The following CDKL3 variants were observed in gnomAD, a reference collection of about 807,000 sequenced individuals.
CDKL3 encodes cyclin-dependent kinase-like 3.
Under a neutral mutation model 69.3 loss-of-function variants are expected in CDKL3, and 65 were observed. That is an observed-to-expected ratio of 0.94 (90% confidence interval 0.77 to 1.15). CDKL3 has a LOEUF of 1.15. Among genes scored for constraint, CDKL3 ranks in the 50% most tolerant of loss-of-function variants. CDKL3 has a pLI of 0.00. For synonymous variants in CDKL3, 202 were observed against 221.6 expected (o/e 0.91, Z 0.79); for missense variants, 652 against 689.2 (o/e 0.95, Z 0.61).
At chr5:134,354,250 A>C (rs1185410669) in intron 3 of CDKL3, among the ~76,000 whole-genome samples, 2 of 152,214 alleles carry the variant, frequency 1.3e-5, no homozygotes, top group East Asian at 3.8e-4. Flanking sequence ...GTCTTGTTCA[A>C]TTAATATCTC....
chr5:134,326,743 C>T (rs1047534779), intron 4 of CDKL3, among the ~76,000 whole-genome samples: 2 of 148,304 alleles, frequency 1.3e-5, no homozygotes, highest in Non-Finnish European at 3.0e-5. Flanking sequence ...CAGGTTCAAG[C>T]GATTCTCCTG....
intron 12 of CDKL3, among the ~76,000 whole-genome samples, chr5:134,301,755 C>T (rs1197876319): frequency 6.6e-6 from 1 of 151,912 alleles, no homozygotes; most frequent in Non-Finnish European, 1.5e-5. Flanking sequence ...GGTGTGGTGG[C>T]GTGTGCCTGT....
At chr5:134,336,208 T>C (rs1234121157) in intron 4 of CDKL3, among the ~76,000 whole-genome samples, 2 of 152,190 alleles carry the variant, frequency 1.3e-5, no homozygotes, top group African/African-American at 4.8e-5. Flanking sequence ...CTGGTTATTC[T>C]AGTTAGCCAT....
chr5:134,309,621 T>A (rs1768848029), intron 7 of CDKL3, among the ~76,000 whole-genome samples: 1 of 152,162 alleles, frequency 6.6e-6, no homozygotes, highest in Admixed American at 6.6e-5. Flanking sequence ...AGTCCCCTCC[T>A]TGAAGCAGCT....
rs931749202 is a variant in CDKL3, at chr5:134,350,357, A to G, written c.431T>C (p.Phe144Ser). 6.3e-7 allele frequency: 1 copy of G among 1,586,900 alleles called. No individual in the cohort carries two copies. Among genetic ancestry groups the G allele is most frequent in the African/African-American group, 1.3e-5 (1 of 74,520 alleles). The change falls in exon 4 of 13, where the codon TTT becomes TCT. Residue 144 changes from phenylalanine to serine, a missense_variant. By Grantham distance (155) the Phe-to-Ser change is radical. Transcript: ENST00000265334. ...SQSGITKLCD[F>S]GFARTLAAPG... ...AGCTGCTAGTGTTCGTGCAAAACCAAAATCACAGAGCTTAGTAATTCCTGA... is the reference window on the plus strand; with the variant it reads ...AGCTGCTAGTGTTCGTGCAAAACCAGAATCACAGAGCTTAGTAATTCCTGA...
chr5:134,307,643 A>G (rs968036097), intron 9 of CDKL3, among the ~76,000 whole-genome samples: 1 of 152,214 alleles, frequency 6.6e-6, no homozygotes, highest in African/African-American at 2.4e-5. Context: ...AGACTCATGG[A>G]CCAGTCTCTC....
chr5:134,345,276 TA>T (rs1267477199), intron 4 of CDKL3, among the ~76,000 whole-genome samples: 2 of 152,136 alleles, frequency 1.3e-5, no homozygotes, highest in Non-Finnish European at 2.9e-5. Flanking sequence ...AACTGTATTA[TA>T]TAAAAATATC....
intron 3 of CDKL3, among the ~76,000 whole-genome samples, chr5:134,355,923 A>C (rs1754494784): frequency 6.6e-6 from 1 of 152,188 alleles, no homozygotes; most frequent in Non-Finnish European, 1.5e-5. Flanking sequence ...AGCAGTCTCC[A>C]ACCTTTTTGG....
chr5:134,310,317 C>G (rs528136261), intron 7 of CDKL3, among the ~76,000 whole-genome samples: 1 of 151,736 alleles, frequency 6.6e-6, no homozygotes, highest in Non-Finnish European at 1.5e-5. Flanking sequence ...TCCTGAGTAG[C>G]TGGCATTACA....
At chr5:134,305,185 G>A (rs951773079) in intron 10 of CDKL3, among the ~76,000 whole-genome samples, 5 of 151,538 alleles carry the variant, frequency 3.3e-5, no homozygotes, top group Admixed American at 6.6e-5. Context: ...GCGCCATTAC[G>A]GCTGCAGCCT....
chr5:134,366,699 T>G (rs1757521700), intron 1 of CDKL3, among the ~76,000 whole-genome samples, 155 bp from the exon 2 acceptor site: 15 of 152,012 alleles, frequency 9.9e-5, no homozygotes, highest in Admixed American at 9.8e-4. Flanking sequence ...CTTTTTGTCT[T>G]TGGGAACTAA....
chr5:134,370,584 G>A (rs920883506), upstream of CDKL3, among the ~76,000 whole-genome samples: 2 of 152,176 alleles, frequency 1.3e-5, no homozygotes, highest in Non-Finnish European at 1.5e-5. Context: ...CAAGTCCCCG[G>A]ACTCTGACAC....
rs1580775318 is a variant in CDKL3 at position 134,299,510 on chromosome 5, T to C, written c.1720-800A>G. On this transcript the variant is annotated intron_variant, in intron 12 of 12. Coordinates refer to ENST00000265334, the MANE Select transcript of CDKL3 (RefSeq NM_001113575.2). ...AATTCATGTTCAAATTAAGAAAACA[T>C]GAATAATTTAAAGATTAATAAATTT... The C allele has an allele frequency of 5.0e-6, 6 of 1,201,816 alleles. No homozygotes were observed. The African/African-American group carries it at 7.8e-5, about 16-fold the overall frequency. The allele number at this position is 1,201,816 out of a possible 1,614,324, so 74.4% of individuals were successfully genotyped here. A position where few individuals can be genotyped will look rare whatever the true frequency, so the allele number is the denominator to read the frequency against.
rs1754803971 is a variant in CDKL3 at position 134,357,132 on chromosome 5, A to G, written c.360+2765T>C. Reference sequence around the variant, plus strand: ...AATATTATTTAGTATGGGTCTATCCAAACACACTGATTATTGTTTTAAGAA... The same window carrying G: ...AATATTATTTAGTATGGGTCTATCCGAACACACTGATTATTGTTTTAAGAA... On this transcript the variant is annotated intron_variant, in intron 3 of 12. Coordinates refer to ENST00000265334, the MANE Select transcript of CDKL3 (RefSeq NM_001113575.2). Among the ~76,000 whole-genome samples, 3 of 152,268 alleles carry G rather than the reference A, an allele frequency of 2.0e-5. No individual in the cohort carries two copies. In the South Asian group the frequency reaches 6.2e-4, roughly 32 times the overall value.
chr5:134,326,839 A>ATATGTGTG (rs1774442377), intron 4 of CDKL3, among the ~76,000 whole-genome samples: 1 of 104,894 alleles, frequency 9.5e-6, no homozygotes, highest in African/African-American at 4.7e-5. Flanking sequence ...ATATATATAT[A>ATATGTGTG]TATATATATA....
chr5:134,305,214 C>A (rs1767479599), intron 10 of CDKL3, among the ~76,000 whole-genome samples: 1 of 152,038 alleles, frequency 6.6e-6, no homozygotes, highest in South Asian at 2.1e-4. Context: ...TGGGCTCAAG[C>A]CATAGTCCCA....
chr5:134,346,205 A>C (rs985103264), intron 4 of CDKL3, among the ~76,000 whole-genome samples: 1 of 152,228 alleles, frequency 6.6e-6, no homozygotes, highest in African/African-American at 2.4e-5. Flanking sequence ...ACCTGGAAGG[A>C]AGGAATGCAA....
At chr5:134,298,353 A>G, downstream of CDKL3, 1 of 1,099,380 alleles carries the variant, frequency 9.1e-7, no homozygotes, top group Non-Finnish European at 1.1e-6. Flanking sequence ...AGAGATCATT[A>G]AGTATAAGTA....
At chr5:134,348,948 A>G (rs990459802) in intron 4 of CDKL3, among the ~76,000 whole-genome samples, 2 of 152,178 alleles carry the variant, frequency 1.3e-5, no homozygotes, top group African/African-American at 4.8e-5. Context: ...CAGGGTATCA[A>G]CGGTAGGTAC....
Sources: gnomAD v4.1 joint callset for allele counts (sites outside exome capture counted in the v4.1 genomes callset) on GRCh38, gnomAD v4.1.1 for gene constraint, MANE v1.5 for transcripts, NCBI Gene and HGNC (gene_info 2026-07-23, HGNC 2026-07-21) for gene names.